Variants in SORBS3 observed in about 807,000 individuals in gnomAD.
The protein encoded by SORBS3 is vinexin.
Under a neutral mutation model 98.0 loss-of-function variants are expected in SORBS3, and 69 were observed. The ratio of observed to expected loss-of-function variants is 0.70; its 90% CI spans 0.58 to 0.86. The LOEUF (loss-of-function observed/expected upper bound fraction) is 0.86. Ranked by LOEUF, SORBS3 falls within the 40% of genes least tolerant of loss-of-function variation. The pLI is 0.00. For synonymous variants in SORBS3, 394 were observed against 355.4 expected (o/e 1.11, Z -1.22); for missense variants, 954 against 908.5 (o/e 1.05, Z -0.64).
intron 7 of SORBS3, 62 bp from the exon 8 acceptor site, chr8:22,563,925 T>A: frequency 7.8e-7 from 1 of 1,281,194 alleles, no homozygotes; most frequent in Non-Finnish European, 1.1e-6. Context: ...GAGGGCTGTG[T>A]GCTGGCTTCT....
intron 3 of SORBS3, among the ~76,000 whole-genome samples, chr8:22,555,422 G>A (rs1840165791): frequency 6.6e-6 from 1 of 152,220 alleles, no homozygotes; most frequent in South Asian, 2.1e-4. Context: ...GAACTCCTGG[G>A]TGCAGGCCAG....
intron 11 of SORBS3, 117 bp from the exon 12 acceptor site, chr8:22,565,709 C>T (rs887107654): frequency 2.4e-6 from 3 of 1,231,666 alleles, no homozygotes; most frequent in Non-Finnish European, 3.0e-6. Flanking sequence ...CCTCTAGGAC[C>T]CCGCGTCCCG....
chr8:22,565,505 G>C (rs985096522), intron 11 of SORBS3, 151 bp downstream of exon 11: 31 of 628,716 alleles, frequency 4.9e-5, no homozygotes, highest in Non-Finnish European at 7.3e-5. Flanking sequence ...CCTGGGCGCT[G>C]GCGGGCTCGC....
At chr8:22,552,949 G>T (rs1032404604) in intron 1 of SORBS3, among the ~76,000 whole-genome samples, 2 of 152,172 alleles carry the variant, frequency 1.3e-5, no homozygotes, top group African/African-American at 4.8e-5. Context: ...CCCCAGTCAG[G>T]CATGGGCACA....
At chr8:22,551,809 C>G (rs1218884706), upstream of SORBS3, 1 of 985,956 alleles carries the variant, frequency 1.0e-6, no homozygotes, top group South Asian at 4.7e-5. The surrounding 1 kb of genome is among the most constrained non-coding windows in gnomAD (Gnocchi z 5.8). Context: ...GCGACTCTCA[C>G]GGTCCGGCCT....
At chr8:22,559,483 C>T (rs1279662629) in intron 5 of SORBS3, among the ~76,000 whole-genome samples, 5 of 152,090 alleles carry the variant, frequency 3.3e-5, no homozygotes, top group Non-Finnish European at 7.4e-5. Flanking sequence ...GGTGGATTGC[C>T]TGAGCTTAGG....
At chr8:22,567,533 G>A (rs557786945) in intron 16 of SORBS3, among the ~76,000 whole-genome samples, 5 of 152,152 alleles carry the variant, frequency 3.3e-5, no homozygotes, top group Non-Finnish European at 5.9e-5. Flanking sequence ...ACGTATACAC[G>A]CATAACCTCT....
chr8:22,574,228 G>C (rs1486825585), intron 20 of SORBS3, among the ~76,000 whole-genome samples: 1 of 152,154 alleles, frequency 6.6e-6, no homozygotes, highest in East Asian at 1.9e-4. Context: ...GGCCTGGATC[G>C]GAGTCCCAAG....
At chr8:22,564,780 A>T in intron 10 of SORBS3, 1 of 1,373,046 alleles carries the variant, frequency 7.3e-7, no homozygotes, top group Non-Finnish European at 9.4e-7. Context: ...ATTATCAGGA[A>T]ATATTCTTGG....
chr8:22,559,584 T>C (rs984019748), intron 5 of SORBS3, among the ~76,000 whole-genome samples: 6 of 151,988 alleles, frequency 3.9e-5, no homozygotes, highest in East Asian at 3.9e-4. Context: ...GCACCTGTAA[T>C]CCCAGCTACT....
intron 12 of SORBS3, 199 bp downstream of exon 12, chr8:22,566,071 C>A: frequency 1.8e-6 from 1 of 560,436 alleles, no homozygotes; most frequent in Non-Finnish European, 2.7e-6. Flanking sequence ...CAGCTAACTC[C>A]TAGCAGAGGA....
chr8:22,567,028 A>G, intron 15 of SORBS3, 33 bp from the exon 16 acceptor site: 1 of 1,588,132 alleles, frequency 6.3e-7, no homozygotes, highest in Non-Finnish European at 8.6e-7. Context: ...GGAAGGCTTC[A>G]GCTTACCCTG....
chr8:22,555,884 A>T (rs529089052), intron 3 of SORBS3, among the ~76,000 whole-genome samples: 2 of 152,154 alleles, frequency 1.3e-5, no homozygotes, highest in Non-Finnish European at 2.9e-5. Context: ...AACCAAAAAA[A>T]ACACCCACAC....
At chr8:22,574,512 G>A (rs994757488) in intron 20 of SORBS3, among the ~76,000 whole-genome samples, 155 bp from the exon 21 acceptor site, 5 of 152,156 alleles carry the variant, frequency 3.3e-5, no homozygotes, top group African/African-American at 7.2e-5. Context: ...CCGCTAGGGG[G>A]CAGGAAGGAG....
chr8:22,564,603 T>A, intron 10 of SORBS3, 82 bp downstream of exon 10: 1 of 1,558,798 alleles, frequency 6.4e-7, no homozygotes. Flanking sequence ...ACCATGGGCA[T>A]AGGCCACGAA....
Position 22,554,294 on chromosome 8 carries a change from G to A in SORBS3, c.-55-158G>A. The A allele has an allele frequency of 1.5e-6, 1 of 653,088 alleles. No individual in the cohort carries two copies. Among genetic ancestry groups the A allele is most frequent in the Non-Finnish European group, 2.4e-6 (1 of 419,782 alleles). 40.5% of individuals were successfully genotyped at this position (653,088 alleles called of 1,614,324 possible). On this transcript the variant is annotated intron_variant, in intron 1 of 20. Coordinates refer to ENST00000240123, the MANE Select transcript of SORBS3 (RefSeq NM_005775.5). The surrounding 1 kb of genome is among the most constrained non-coding windows in gnomAD (Gnocchi z 6.5). ...AGGCACGGGCAGCCTGCAGGCGGGT[G>A]CCTGGCGTGGCCTGTTTCCTGGGTC... is the stretch of plus-strand genomic sequence containing the variant.
At chr8:22,562,253 G>C (rs1024273116) in intron 7 of SORBS3, among the ~76,000 whole-genome samples, 3 of 152,184 alleles carry the variant, frequency 2.0e-5, no homozygotes, top group Non-Finnish European at 2.9e-5. Context: ...TATGAGACCG[G>C]GAGTGGGGCG....
intron 16 of SORBS3, among the ~76,000 whole-genome samples, chr8:22,568,587 C>T (rs1281661532): frequency 6.6e-6 from 1 of 152,184 alleles, no homozygotes; most frequent in Non-Finnish European, 1.5e-5. Context: ...AAAGTATATA[C>T]AGTATTTCAC....
chr8:22,569,778 G>T (rs974830978), intron 17 of SORBS3, among the ~76,000 whole-genome samples: 2 of 151,374 alleles, frequency 1.3e-5, no homozygotes, highest in African/African-American at 4.9e-5. Flanking sequence ...TCACTATGTT[G>T]CCCGGGCTGA....
Sources: allele counts gnomAD v4.1 joint callset (sites outside exome capture counted in the v4.1 genomes callset), GRCh38; gene constraint gnomAD v4.1.1; non-coding constraint Gnocchi (gnomAD v3.1); transcripts MANE v1.5; gene names NCBI Gene and HGNC (gene_info 2026-07-23, HGNC 2026-07-21).